CHAT: variants seen among roughly 807,000 people sequenced by gnomAD.
The protein encoded by CHAT is acetyl CoA:choline O-acetyltransferase.
Under a neutral mutation model 76.9 loss-of-function variants are expected in CHAT, and 61 were observed. The ratio of observed to expected loss-of-function variants is 0.79; its 90% CI spans 0.65 to 0.98. The LOEUF is 0.98. CHAT is among the 50% of genes least tolerant of loss of function. The pLI is 0.00. For missense variants in CHAT, 946 were observed against 986.9 expected (o/e 0.96, Z 0.56); for synonymous variants, 407 against 397.4 (o/e 1.02, Z -0.29).
Position 49,614,241 on chromosome 10 carries a change from AAG to A in CHAT, c.59_60del (p.Glu20GlyfsTer60), listed in dbSNP as rs531450737. On this transcript the variant is annotated frameshift_variant, in exon 1 of 15. Transcript: ENST00000337653. LOFTEE classifies it high-confidence loss of function. Reference protein sequence around the residue: ...KRGLGGGGKWKREEGGGTRGR... With the variant: ...KRGLGGGGKWXREEGGGTRGR... ...GGGGCTTGGGGGAGGGGGGAAATGG[AAG>A]AGAGAGGAGGGAGGAGGTACAAGAG... The A allele has an allele frequency of 2.8e-4, 432 of 1,543,082 alleles. No individual in the cohort carries two copies. In the African/African-American group the frequency reaches 5.2e-3, roughly 19 times the overall value.
chr10:49,657,438 T>C (rs1468765761), intron 13 of CHAT, among the ~76,000 whole-genome samples: 1 of 152,114 alleles, frequency 6.6e-6, no homozygotes, highest in Non-Finnish European at 1.5e-5. Context: ...ATCCAAACCA[T>C]AGCAGTTGAT....
chr10:49,655,560 G>T, intron 13 of CHAT, 112 bp downstream of exon 13: 1 of 1,013,074 alleles, frequency 9.9e-7, no homozygotes, highest in East Asian at 2.4e-5. Flanking sequence ...CCTGTTACTC[G>T]GGGACTTGGC....
rs751552190 is a variant in CHAT at position 49,667,180 on chromosome 10, G to A, written c.*2134G>A. Among the ~76,000 whole-genome samples, 2 of 152,132 alleles carry A rather than the reference G, an allele frequency of 1.3e-5. No homozygotes were observed. Among genetic ancestry groups the A allele is most frequent in the African/African-American group, 4.8e-5 (2 of 41,434 alleles). Reference sequence around the variant, plus strand: ...GAGTCTGCCAGCAGCAGTAGCTAATGTCTAAAAGACACAGGGGCCAGGAGA... The same window carrying A: ...GAGTCTGCCAGCAGCAGTAGCTAATATCTAAAAGACACAGGGGCCAGGAGA... On this transcript the variant is annotated 3_prime_UTR_variant, in exon 15 of 15. Transcript: ENST00000337653.
At chr10:49,619,696 G>A (rs775434304) in intron 2 of CHAT, 29 bp from the exon 3 acceptor site, 2 of 1,602,252 alleles carry the variant, frequency 1.2e-6, no homozygotes, top group Admixed American at 3.3e-5. Flanking sequence ...CATACTAGAG[G>A]CACAATGCCT....
At chr10:49,648,726 TACACACACACAC>T (rs10580502) in intron 9 of CHAT, 119 bp downstream of exon 9, 22 of 584,136 alleles carry the variant, frequency 3.8e-5, no homozygotes, top group South Asian at 5.8e-5. Flanking sequence ...ATGTGTACTA[TACACACACACAC>T]ACACACACAC....
At chr10:49,648,787 G>A (rs1477912724) in intron 9 of CHAT, among the ~76,000 whole-genome samples, 180 bp downstream of exon 9, 1 of 151,408 alleles carries the variant, frequency 6.6e-6, no homozygotes, top group Non-Finnish European at 1.5e-5. Context: ...CTTTGTATGC[G>A]ACATCATGTG....
At chr10:49,617,794 T>C (rs1010479283) in intron 2 of CHAT, among the ~76,000 whole-genome samples, 8 of 152,128 alleles carry the variant, frequency 5.3e-5, no homozygotes, top group African/African-American at 1.9e-4. Flanking sequence ...GGCCCAGACC[T>C]GGCTCACTGG....
chr10:49,640,319 A>T (rs1839437859), intron 7 of CHAT, among the ~76,000 whole-genome samples: 1 of 152,084 alleles, frequency 6.6e-6, no homozygotes. Flanking sequence ...TTTCTGTTGA[A>T]ACTTGGATAT....
At chr10:49,624,245 C>CA (rs1473803224) in intron 5 of CHAT, among the ~76,000 whole-genome samples, 1 of 152,150 alleles carries the variant, frequency 6.6e-6, no homozygotes, top group Non-Finnish European at 1.5e-5. Context: ...TGAAAAACAA[C>CA]AAAAAATTGA....
chr10:49,652,281 G>A (rs1050532688), intron 11 of CHAT, among the ~76,000 whole-genome samples: 1 of 151,652 alleles, frequency 6.6e-6, no homozygotes, highest in Non-Finnish European at 1.5e-5. Context: ...AGAGCCAGGA[G>A]GGGATGAGGA....
At chr10:49,609,195 G>C (rs888768252), upstream of CHAT, 1 of 152,242 alleles carries the variant, frequency 6.6e-6, no homozygotes, top group African/African-American at 2.4e-5. Context: ...CCTCTCAGAA[G>C]GAAGGTGAGT....
chr10:49,640,646 T>C (rs941164353), intron 7 of CHAT, among the ~76,000 whole-genome samples: 3 of 152,156 alleles, frequency 2.0e-5, no homozygotes, highest in Non-Finnish European at 4.4e-5. Flanking sequence ...GAAGCTGAGA[T>C]GCCTCATTAC....
Position 49,614,394 on chromosome 10 carries a change from C to G in CHAT, c.205C>G (p.Pro69Ala), listed in dbSNP as rs924554606. 1 of 1,546,428 alleles carries G rather than the reference C, an allele frequency of 6.5e-7. No individual in the cohort carries two copies. The highest frequency in any genetic ancestry group is 8.7e-7 in the Non-Finnish European group (1 of 1,145,736). The change falls in exon 1 of 15, where the codon CCC becomes GCC. Residue 69 changes from proline (P) to alanine (A), a missense_variant. Pro to Ala is a conservative substitution (Grantham distance 27). Transcript: ENST00000337653. ...CCCCCGCGCTGCGACACGCCCCCCA[C>G]CCCTTCCGGCTCACACCCCCGCCCA... ...PHPRAATRPPPLPAHTPAHTP... is the reference protein window; with the variant it reads ...PHPRAATRPPALPAHTPAHTP...
At chr10:49,611,607 C>T (rs752094202), upstream of CHAT, 11 of 1,611,156 alleles carry the variant, frequency 6.8e-6, no homozygotes, top group Middle Eastern at 1.2e-3. Context: ...TGCTAGACCC[C>T]TACATTGCCG....
intron 11 of CHAT, among the ~76,000 whole-genome samples, chr10:49,654,724 G>A (rs4838548): frequency 3.3e-5 from 5 of 152,000 alleles, no homozygotes; most frequent in Non-Finnish European, 7.4e-5. Context: ...CAGGATTCCC[G>A]CATAGGTGGG....
upstream of CHAT, chr10:49,610,961 C>T: frequency 6.2e-7 from 1 of 1,611,096 alleles, no homozygotes; most frequent in Non-Finnish European, 8.5e-7. Context: ...CCCACCCGGA[C>T]TCCCGAGGTG....
chr10:49,612,053 T>C (rs1838313592), upstream of CHAT: 2 of 1,613,588 alleles, frequency 1.2e-6, no homozygotes, highest in Non-Finnish European at 1.7e-6. Context: ...GGGCCCATAG[T>C]GGCAGGCCAC....
Position 49,620,536 on chromosome 10 carries a change from C to T in CHAT, c.621C>T (p.Arg207=), listed in dbSNP as rs367783660. 3.1e-6 allele frequency: 5 copies of T among 1,613,922 alleles called. No homozygotes were observed. The highest frequency in any genetic ancestry group is 1.1e-5 in the South Asian group (1 of 91,082). The part of the protein sequence containing the change: ...YWLNDMYLNN[R]LALPVNSSPA... ...TGAATGACATGTATCTCAACAACCG[C>T]CTGGCCCTGCCTGTCAACTCCAGCC... is the stretch of plus-strand genomic sequence containing the variant. Residue 207 remains arginine, a synonymous_variant, in exon 4 of 15, where the codon CGC becomes CGT. Transcript: ENST00000337653.
At chr10:49,612,064 A>T (rs1304634333), upstream of CHAT, 1 of 1,613,478 alleles carries the variant, frequency 6.2e-7, no homozygotes, top group East Asian at 2.2e-5. Context: ...GGCAGGCCAC[A>T]TTGTGCACTC....
Sources: allele counts gnomAD v4.1 joint callset (sites outside exome capture counted in the v4.1 genomes callset), GRCh38; gene constraint gnomAD v4.1.1; transcripts MANE v1.5; gene names NCBI Gene and HGNC (gene_info 2026-07-23, HGNC 2026-07-21).